The following RAB38 variants were observed in gnomAD, a reference collection of about 807,000 sequenced individuals.
RAB38 encodes RAB38, member RAS oncogene family, also known as ras-related protein Rab-38.
A neutral mutation model predicts 18.4 loss-of-function variants in RAB38; 15 were observed. That is an observed-to-expected ratio of 0.82 (90% confidence interval 0.55 to 1.26). The LOEUF (loss-of-function observed/expected upper bound fraction) is 1.26. Among genes scored for constraint, RAB38 ranks in the 50% most tolerant of loss-of-function variants. The pLI, the probability that RAB38 is intolerant of heterozygous loss-of-function variation, is 0.00. For missense variants in RAB38, 294 were observed against 267.4 expected (o/e 1.10, Z -0.69); for synonymous variants, 101 against 104.4 (o/e 0.97, Z 0.20).
the RAB38 span, among the ~76,000 whole-genome samples, chr11:88,104,861 G>T: frequency 2.0e-5 from 3 of 152,054 alleles, no homozygotes; most frequent in African/African-American, 7.2e-5. Flanking sequence ...AAAGAGAATA[G>T]CTCAATATCA....
the RAB38 span, among the ~76,000 whole-genome samples, chr11:88,069,799 G>T: frequency 1.3e-5 from 2 of 151,380 alleles, no homozygotes; most frequent in Non-Finnish European, 2.9e-5. Context: ...CTCAAGGTTT[G>T]TAAACGCACC....
At chr11:87,926,477 C>G in the RAB38 span, among the ~76,000 whole-genome samples, 8 of 151,944 alleles carry the variant, frequency 5.3e-5, no homozygotes, top group East Asian at 1.6e-3. Context: ...CAGGAATTTC[C>G]TTACTCTAAT....
chr11:88,040,915 T>C, the RAB38 span, among the ~76,000 whole-genome samples: 26 of 152,326 alleles, frequency 1.7e-4, no homozygotes, highest in Admixed American at 9.2e-4. Context: ...AATTATTTTA[T>C]TGTCAAATCT....
chr11:88,132,763 T>A (rs1942781082), intron 2 of RAB38, among the ~76,000 whole-genome samples: 1 of 152,218 alleles, frequency 6.6e-6, no homozygotes, highest in Non-Finnish European at 1.5e-5. Flanking sequence ...CCAGCCTAGA[T>A]GTTTTACTTT....
At chr11:88,026,960 T>A in the RAB38 span, among the ~76,000 whole-genome samples, 7 of 152,212 alleles carry the variant, frequency 4.6e-5, no homozygotes, top group Non-Finnish European at 1.0e-4. Flanking sequence ...ATTTTTCAGT[T>A]CAATGTTTAT....
chr11:88,110,356 A>T (rs1440350213), downstream of RAB38, among the ~76,000 whole-genome samples: 1 of 151,930 alleles, frequency 6.6e-6, no homozygotes, highest in Non-Finnish European at 1.5e-5. Flanking sequence ...GGAACATCAC[A>T]CATTGGGGCC....
chr11:87,813,057 T>A, the RAB38 span, among the ~76,000 whole-genome samples: 1 of 152,176 alleles, frequency 6.6e-6, no homozygotes, highest in Non-Finnish European at 1.5e-5. Flanking sequence ...AACAGGATTT[T>A]TTACCACTTC....
At chr11:88,147,621 G>A (rs959298718) in intron 2 of RAB38, among the ~76,000 whole-genome samples, 14 of 151,582 alleles carry the variant, frequency 9.2e-5, no homozygotes, top group African/African-American at 2.9e-4. Context: ...AGCCGGGTGC[G>A]GTGGCTCACG....
At chr11:88,070,492 G>T in the RAB38 span, among the ~76,000 whole-genome samples, 6 of 152,322 alleles carry the variant, frequency 3.9e-5, no homozygotes, top group East Asian at 7.7e-4. Context: ...GTATCAGGAA[G>T]CAGAATGAGT....
chr11:88,110,049 C>T (rs111532665), downstream of RAB38, among the ~76,000 whole-genome samples: 418 of 152,282 alleles, frequency 2.7e-3, 3 homozygotes, highest in Non-Finnish European at 4.8e-3. Context: ...AATCATTCTA[C>T]TATAAAGACA....
At chr11:87,938,593 T>A in the RAB38 span, among the ~76,000 whole-genome samples, 1 of 150,896 alleles carries the variant, frequency 6.6e-6, no homozygotes. Flanking sequence ...TTTTTTTTCT[T>A]TCTTTCTTCT....
chr11:88,161,675 C>G (rs943248241), intron 1 of RAB38, among the ~76,000 whole-genome samples: 7 of 152,092 alleles, frequency 4.6e-5, no homozygotes, highest in African/African-American at 1.7e-4. Flanking sequence ...TGAATTAGTG[C>G]TGCATACTGA....
the RAB38 span, among the ~76,000 whole-genome samples, chr11:87,934,978 A>G: frequency 4.6e-5 from 7 of 151,972 alleles, no homozygotes; most frequent in Non-Finnish European, 1.0e-4. Flanking sequence ...GCCTGGAAAC[A>G]GTGTCCTGTG....
rs778939290 is a variant in RAB38, at chr11:88,159,882, GAAA to G, written c.203-9930_203-9928del. The stretch of plus-strand genomic sequence containing the variant: ...ATCTGAAGCTAGAAGAAACCTAGAA[GAAA>G]ACCTAGGAAACGCCATTCTGGACAT... On this transcript the variant is annotated intron_variant, in intron 1 of 2. Transcript: ENST00000243662. Among the ~76,000 whole-genome samples, 19 of 152,094 alleles carry G rather than the reference GAAA, an allele frequency of 1.2e-4. No homozygotes were observed. The East Asian group carries it at 2.5e-3, about 20-fold the overall frequency.
At chr11:87,920,464 T>C in the RAB38 span, among the ~76,000 whole-genome samples, 3 of 152,088 alleles carry the variant, frequency 2.0e-5, no homozygotes, top group African/African-American at 7.2e-5. Flanking sequence ...TTTCCTATTA[T>C]TGAATTCTAA....
chr11:87,860,154 C>T, the RAB38 span, among the ~76,000 whole-genome samples: 1 of 151,872 alleles, frequency 6.6e-6, no homozygotes, highest in South Asian at 2.1e-4. Flanking sequence ...TCTTAAAGTG[C>T]TCACTATACT....
At chr11:88,031,586 C>T in the RAB38 span, among the ~76,000 whole-genome samples, 12 of 151,814 alleles carry the variant, frequency 7.9e-5, no homozygotes, top group African/African-American at 2.4e-4. Context: ...ACACCAATAA[C>T]AGACAAACAG....
chr11:88,036,564 G>A, the RAB38 span, among the ~76,000 whole-genome samples: 6 of 151,946 alleles, frequency 3.9e-5, no homozygotes, highest in East Asian at 1.9e-4. Flanking sequence ...CACAATTTCT[G>A]TGCATTTCCT....
At chr11:88,150,185 C>T (rs1943047695) in intron 1 of RAB38, among the ~76,000 whole-genome samples, 1 of 152,116 alleles carries the variant, frequency 6.6e-6, no homozygotes, top group Non-Finnish European at 1.5e-5. Context: ...TTTCTGTGTA[C>T]CATGTAATAT....
Sources: gnomAD v4.1 joint callset for allele counts (sites outside exome capture counted in the v4.1 genomes callset) on GRCh38, gnomAD v4.1.1 for gene constraint, MANE v1.5 for transcripts, NCBI Gene and HGNC (gene_info 2026-07-23, HGNC 2026-07-21) for gene names.